Variants in HDAC10 observed in about 807,000 individuals in gnomAD.
HDAC10 encodes histone deacetylase 10.
Under a neutral mutation model 82.3 loss-of-function variants are expected in HDAC10, and 90 were observed. The ratio of observed to expected loss-of-function variants is 1.09; its 90% confidence interval spans 0.92 to 1.30. The LOEUF is 1.30. HDAC10 is among the 50% of genes most tolerant of loss of function. HDAC10 has a pLI of 0.00. For synonymous variants in HDAC10, 456 were observed against 391.7 expected (o/e 1.16, Z -1.94); for missense variants, 934 against 876.3 (o/e 1.07, Z -0.83).
Position 50,248,389 on chromosome 22 carries a change from T to A in HDAC10, c.990A>T (p.Ser330=), listed in dbSNP as rs1343921479. The change falls in exon 11 of 20, where the codon TCA becomes TCT. Residue 330 remains serine, a synonymous_variant. Coordinates refer to ENST00000216271, the MANE Select transcript of HDAC10 (RefSeq NM_032019.6). The surrounding 1 kb of genome is among the most constrained non-coding windows in gnomAD (Gnocchi z 5.4). The part of the protein sequence containing the change: ...TLLGDPAPPL[S]GPMAPCQSAL... The stretch of plus-strand genomic sequence containing the variant: ...ACCTCTGACATGGCGCCATTGGCCC[T>A]GACAGGGGTGGGGCCGGGTCACCCA... The A allele has an allele frequency of 6.2e-7, 1 of 1,609,904 alleles. No homozygotes were observed. Among genetic ancestry groups the A allele is most frequent in the African/African-American group, 1.3e-5 (1 of 74,868 alleles).
At position 50,246,752 on chromosome 22, in the gene HDAC10, C is replaced by G. The variant is rs370848097; in HGVS notation, c.1515-17G>C. ...CACAGCAGCCTGGAAGAAGAGCTGG[C>G]CTCAGGACAGGTGTTCATGTTGTCC... On this transcript the variant is annotated splice_polypyrimidine_tract_variant and intron_variant, in intron 15 of 19. Coordinates refer to ENST00000216271, the MANE Select transcript of HDAC10 (RefSeq NM_032019.6). 3 of 1,612,740 alleles carry G rather than the reference C, an allele frequency of 1.9e-6. No homozygotes were observed. The African/African-American group carries it at 4.0e-5, about 22-fold the overall frequency.
chr22:50,247,910 C>T lies in HDAC10; in HGVS notation c.1317G>A (p.Glu439=). Residue 439 remains glutamate, a synonymous_variant, in exon 13 of 20, where the codon GAG becomes GAA. Coordinates refer to ENST00000216271, the MANE Select transcript of HDAC10 (RefSeq NM_032019.6). ...CCCACCTGGCCCAGGCTTCTGTCTC[C>T]TCCCTCAGGGCTGACGCTTCCTGTT... ...VIQQEASALR[E]ETEAWARPHE... is the part of the protein sequence containing the mutation. 6.2e-7 allele frequency: 1 copy of T among 1,612,754 alleles called. No individual in the cohort carries two copies. Among genetic ancestry groups the T allele is most frequent in the Non-Finnish European group, 8.5e-7 (1 of 1,179,950 alleles).
At chr22:50,246,137 T>C (rs1383331039) in intron 17 of HDAC10, 45 bp from the exon 18 acceptor site, 1 of 1,567,676 alleles carries the variant, frequency 6.4e-7, no homozygotes, top group Non-Finnish European at 8.7e-7. Flanking sequence ...GGACACCTGC[T>C]GGCTCTGGCC....
In HDAC10 at chr22:50,248,042, C is replaced by T. The variant is rs781535624; in HGVS notation, c.1185G>A (p.Pro395=). 1.3e-5 allele frequency: 21 copies of T among 1,611,610 alleles called. No homozygotes were observed. Among genetic ancestry groups the T allele is most frequent in the Admixed American group, 1.0e-4 (6 of 59,914 alleles). The change falls in exon 13 of 20, where the codon CCG becomes CCA. Residue 395 remains proline, a synonymous_variant. Coordinates refer to ENST00000216271, the MANE Select transcript of HDAC10 (RefSeq NM_032019.6). This position sits in a 1 kb window ranked among gnomAD's most constrained non-coding sequence, Gnocchi z 5.4. Reference sequence around the variant, plus strand: ...GGCACGGCTGGTCCAGGAGGGAGCTCGGTGCAGATGCAGCTGCCTTACACA... The same window carrying T: ...GGCACGGCTGGTCCAGGAGGGAGCTTGGTGCAGATGCAGCTGCCTTACACA... ...GPVCKAAASA[P]SSLLDQPCLC...
At position 50,246,340 on chromosome 22, in the gene HDAC10, C is replaced by G. The variant is rs1311432384; in HGVS notation, c.1608G>C (p.Ala536=). Residue 536 remains alanine (A), a synonymous_variant, in exon 17 of 20, where the codon GCG becomes GCC. Transcript: ENST00000216271. The stretch of plus-strand genomic sequence containing the variant: ...AGACATGGAACATGGATAGGGCAGC[C>G]GCCTCCTTGCCCCTGATGTTCAGCC... ...SLWLNIRGKE[A]AALSMFHVST... The G allele has an allele frequency of 6.2e-7, 1 of 1,612,862 alleles. No individual in the cohort carries two copies. Among genetic ancestry groups the G allele is most frequent in the Non-Finnish European group, 8.5e-7 (1 of 1,179,962 alleles).
Position 50,246,706 on chromosome 22 carries a change from T to G in HDAC10, c.1544A>C (p.Asp515Ala). 3 of 1,611,934 alleles carry G rather than the reference T, an allele frequency of 1.9e-6. No individual in the cohort carries two copies. Among genetic ancestry groups the G allele is most frequent in the Non-Finnish European group, 2.5e-6 (3 of 1,179,924 alleles). Reference sequence around the variant, plus strand: ...GTCATGGGCGAGGTCTGGAGGCCGGTCCAGCTGTCCCAGGGCCACGCACAG... The same window carrying G: ...GTCATGGGCGAGGTCTGGAGGCCGGGCCAGCTGTCCCAGGGCCACGCACAG... ...RLLCVALGQL[D>A]RPPDLAHDGR... Residue 515 changes from aspartate to alanine, a missense_variant, in exon 16 of 20, where the codon GAC (aspartate) becomes GCC (alanine). Asp to Ala is a moderately radical substitution (Grantham distance 126, BLOSUM62 -2). Transcript: ENST00000216271.
In HDAC10 at chr22:50,248,044, G is replaced by GTGCAGA; in HGVS notation, c.1177_1182dup (p.Ser393_Ala394dup). On this transcript the variant is annotated inframe_insertion, in exon 13 of 20. Transcript: ENST00000216271. This position sits in a 1 kb window ranked among gnomAD's most constrained non-coding sequence, Gnocchi z 5.4. ...CACGGCTGGTCCAGGAGGGAGCTCG[G>GTGCAGA]TGCAGATGCAGCTGCCTTACACACT... The GTGCAGA allele has an allele frequency of 6.2e-7, 1 of 1,611,598 alleles. No individual in the cohort carries two copies. The highest frequency in any genetic ancestry group is 8.5e-7 in the Non-Finnish European group (1 of 1,179,286).
Position 50,250,840 on chromosome 22 carries a change from C to G in HDAC10, c.125G>C (p.Gly42Ala). The change falls in exon 2 of 20, where the codon GGC becomes GCC. Residue 42 changes from glycine (G) to alanine (A), a missense_variant. Coordinates refer to ENST00000216271, the MANE Select transcript of HDAC10 (RefSeq NM_032019.6). ...TAALDRLRQRGLEQRCLRLSA... is the reference protein window; with the variant it reads ...TAALDRLRQRALEQRCLRLSA... ...CAACCGCAGACACCTCTGTTCCAGG[C>G]CGCGCTGCCGCAGGCGATCCAGGGC... 1 of 1,602,244 alleles carries G rather than the reference C, an allele frequency of 6.2e-7. No homozygotes were observed. The highest frequency in any genetic ancestry group is 1.1e-5 in the South Asian group (1 of 89,586).
rs1039988761 is a variant in HDAC10 at position 50,248,248 on chromosome 22, T to C, written c.1058A>G (p.His353Arg). The part of the protein sequence containing the change: ...IQSARAAQAP[H>R]WKSLQQQDVT... Reference sequence around the variant, plus strand: ...ACCTTGCTGCTGGAGGCTCTTCCAGTGCGGGGCCTGGGCAGCACGGGCACT... The same window carrying C: ...ACCTTGCTGCTGGAGGCTCTTCCAGCGCGGGGCCTGGGCAGCACGGGCACT... The change falls in exon 12 of 20, where the codon CAC becomes CGC. Residue 353 changes from histidine (H) to arginine (R), a missense_variant. Physicochemically the swap from His to Arg is conservative, Grantham distance 29. Coordinates refer to ENST00000216271, the MANE Select transcript of HDAC10 (RefSeq NM_032019.6). This position sits in a 1 kb window ranked among gnomAD's most constrained non-coding sequence, Gnocchi z 5.4. 6.2e-7 allele frequency: 1 copy of C among 1,612,328 alleles called. No homozygotes were observed.
At position 50,245,775 on chromosome 22, in the gene HDAC10, G is replaced by A. The variant is rs2064926595; in HGVS notation, c.1886C>T (p.Ala629Val). The change falls in exon 19 of 20, where the codon GCA (alanine) becomes GTA (valine). Residue 629 changes from alanine to valine, a missense_variant. By Grantham distance (64) the Ala-to-Val change is moderately conservative (BLOSUM62 0). Coordinates refer to ENST00000216271, the MANE Select transcript of HDAC10 (RefSeq NM_032019.6). ...GILARVLNGE[A>V]PPSLGPSSVA... is the part of the protein sequence containing the mutation. ...AGAGGAAGGGCCTAGGCTAGGAGGT[G>A]CCTCTCCATTCAGCACCCGGGCCAG... is the stretch of plus-strand genomic sequence containing the variant. 1 of 1,604,542 alleles carries A rather than the reference G, an allele frequency of 6.2e-7. No homozygotes were observed. Among genetic ancestry groups the A allele is most frequent in the African/African-American group, 1.3e-5 (1 of 74,724 alleles).
chr22:50,247,824 G>A, intron 13 of HDAC10, 48 bp from the exon 14 acceptor site: 1 of 1,612,628 alleles, frequency 6.2e-7, no homozygotes, highest in Non-Finnish European at 8.5e-7. Flanking sequence ...GTGACCGCAG[G>A]TCAGGCACAC....
chr22:50,250,681 G>A (rs753286592), intron 2 of HDAC10, 90 bp downstream of exon 2: 2 of 1,396,282 alleles, frequency 1.4e-6, no homozygotes, highest in Non-Finnish European at 1.9e-6. Context: ...TGTATTCGAG[G>A]CTGGCAGGCT....
chr22:50,246,187 G>C (rs1254296916), intron 17 of HDAC10, 95 bp from the exon 18 acceptor site: 1 of 1,532,162 alleles, frequency 6.5e-7, no homozygotes, highest in Non-Finnish European at 8.9e-7. Flanking sequence ...AGTAGGAGCA[G>C]GGAGACAGGA....
rs544435715 is a variant in HDAC10, at chr22:50,250,797, C to A, written c.168G>T (p.Ser56=). The change falls in exon 2 of 20, where the codon TCG becomes TCT. Residue 56 remains serine, a synonymous_variant. Transcript: ENST00000216271. ...TGTGCACCAGGCCCAGCTCCTCTTC[C>A]GAGGCCTCGCGGGCTGACAACCGCA... ...RCLRLSAREA[S]EEELGLVHSP... The A allele has an allele frequency of 6.2e-7, 1 of 1,602,672 alleles. No individual in the cohort carries two copies. Among genetic ancestry groups the A allele is most frequent in the South Asian group, 1.1e-5 (1 of 89,654 alleles).
intron 17 of HDAC10, 69 bp from the exon 18 acceptor site, chr22:50,246,161 A>C: frequency 6.5e-7 from 1 of 1,544,364 alleles, no homozygotes; most frequent in Non-Finnish European, 8.8e-7. Context: ...CAACCTCCCA[A>C]TCTCAGGGCC....
At position 50,248,951 on chromosome 22, in the gene HDAC10, G is replaced by A. The variant is rs562008256; in HGVS notation, c.757-61C>T. On this transcript the variant is annotated intron_variant, in intron 8 of 19. Transcript: ENST00000216271. This position sits in a 1 kb window ranked among gnomAD's most constrained non-coding sequence, Gnocchi z 5.4. ...GAGGGGCTGGAGCCCAGGTGAGGGC[G>A]AGCCAGGCCCATCCCATCCCCTCCT... is the stretch of plus-strand genomic sequence containing the variant. The A allele has an allele frequency of 1.2e-4, 184 of 1,550,124 alleles. No homozygotes were observed. The highest frequency in any genetic ancestry group is 3.2e-4 in the South Asian group (28 of 86,598).
rs1418182722 is a variant in HDAC10 at position 50,248,141 on chromosome 22, C to G, written c.1086G>C (p.Val362=). 4.4e-6 allele frequency: 7 copies of G among 1,584,510 alleles called. No individual in the cohort carries two copies. Among genetic ancestry groups the G allele is most frequent in the Non-Finnish European group, 6.0e-6 (7 of 1,164,090 alleles). The stretch of plus-strand genomic sequence containing the variant: ...TGCTGGGGCTCATCGGCACAGCGGT[C>G]ACATCTAGGGACAGTTCGGAGTCAT... ...PHWKSLQQQD[V]TAVPMSPSSH... The change falls in exon 13 of 20, where the codon GTG becomes GTC. Residue 362 remains valine (V), a synonymous_variant. Coordinates refer to ENST00000216271, the MANE Select transcript of HDAC10 (RefSeq NM_032019.6). The surrounding 1 kb of genome is among the most constrained non-coding windows in gnomAD (Gnocchi z 5.4).
chr22:50,247,405 T>G (rs1384475225), intron 14 of HDAC10: 1 of 368,814 alleles, frequency 2.7e-6, no homozygotes, highest in East Asian at 4.4e-5. Flanking sequence ...ACTGCCGTTA[T>G]TACAGGCATG....
Position 50,249,837 on chromosome 22 carries a change from C to A in HDAC10, c.494+23G>T. On this transcript the variant is annotated intron_variant, in intron 5 of 19. Transcript: ENST00000216271. This position sits in a 1 kb window ranked among gnomAD's most constrained non-coding sequence, Gnocchi z 4.4. ...TTGCTGTGTGGCCTGGGCCCACCCC[C>A]CTGCAGCCAGCCTGGCACACACCTG... 3.1e-6 allele frequency: 5 copies of A among 1,608,768 alleles called. No homozygotes were observed. Among genetic ancestry groups the A allele is most frequent in the Non-Finnish European group, 4.2e-6 (5 of 1,176,830 alleles).
Sources: gnomAD v4.1 joint callset for allele counts on GRCh38, gnomAD v4.1.1 for gene constraint, Gnocchi (gnomAD v3.1) non-coding constraint, MANE v1.5 for transcripts, NCBI Gene and HGNC (gene_info 2026-07-23, HGNC 2026-07-21) for gene names.